The following FRMPD4 variants were observed in gnomAD, a reference collection of about 807,000 sequenced individuals.
FRMPD4 encodes FERM and PDZ domain containing 4, also known as FERM and PDZ domain-containing protein 4.
In FRMPD4, 22 loss-of-function variants were observed where a neutral mutation model predicts 94.1. The ratio of observed to expected loss-of-function variants is 0.23; its 90% CI spans 0.17 to 0.33. FRMPD4 has a LOEUF of 0.33. Ranked by LOEUF, FRMPD4 falls within the 10% of genes least tolerant of loss-of-function variation. FRMPD4 has a pLI of 1.00. For missense variants in FRMPD4, 1,111 were observed against 1,339.9 expected (o/e 0.83, Z 2.67); for synonymous variants, 631 against 548.6 (o/e 1.15, Z -2.10).
At chrX:11,949,858 T>C (rs927664627) in intron 3 of FRMPD4, among the ~76,000 whole-genome samples, 8 of 111,850 alleles carry the variant, frequency 7.2e-5, no homozygotes, top group Non-Finnish European at 1.3e-4. Context: ...TGCTCAGTTG[T>C]TTTTGGTTTT....
intron 3 of FRMPD4, among the ~76,000 whole-genome samples, chrX:12,612,609 G>T (rs1261142588): frequency 8.9e-6 from 1 of 112,408 alleles, no homozygotes; most frequent in East Asian, 2.8e-4. Context: ...GATTAAAGTT[G>T]CTTGATTAGA....
intron 1 of FRMPD4, among the ~76,000 whole-genome samples, chrX:12,437,666 G>A (rs151177970): frequency 0.011 from 1,265 of 111,861 alleles, 25 homozygotes; most frequent in African/African-American, 0.038. Flanking sequence ...ATTTACTGCT[G>A]TGATAAGAAA....
chrX:12,636,911 T>C lies in FRMPD4; in HGVS notation c.422+22030T>C, dbSNP rs188569137. ...CATAAACCTAATAGTCTTTGTTAGT[T>C]TCTTGGCTTTCTGATATGATAAGAT... On this transcript the variant is annotated intron_variant, in intron 4 of 16. Transcript: ENST00000675598. Among the ~76,000 whole-genome samples the C allele has an allele frequency of 9.5e-4, 106 of 111,805 alleles. 1 individual carries two copies. Among genetic ancestry groups the C allele is most frequent in the African/African-American group, 3.4e-3 (104 of 30,798 alleles).
intron 3 of FRMPD4, among the ~76,000 whole-genome samples, chrX:12,039,933 C>A (rs1601898374): frequency 2.0e-5 from 2 of 98,197 alleles, no homozygotes. Flanking sequence ...CACACCATTG[C>A]ACTCCAGCCT....
Position 12,574,362 on chromosome X carries a change from C to A in FRMPD4, c.159-35359C>A, listed in dbSNP as rs1012849846. 4.5e-5 allele frequency among the ~76,000 whole-genome samples: 5 copies of A among 112,110 alleles called. No individual in the cohort carries two copies. In the Admixed American group the frequency reaches 4.7e-4, roughly 11 times the overall value. ...ATTTTTTCTCAGTTTTAATTCCCAA[C>A]ATGGTAAATATCAATGGATATAACC... On this transcript the variant is annotated intron_variant, in intron 2 of 16. Transcript: ENST00000675598.
chrX:12,565,159 T>A (rs753691925), intron 2 of FRMPD4, among the ~76,000 whole-genome samples: 2 of 111,044 alleles, frequency 1.8e-5, no homozygotes, highest in Non-Finnish European at 3.8e-5. Context: ...CATACTGATA[T>A]AAATAAATGA....
intron 3 of FRMPD4, among the ~76,000 whole-genome samples, chrX:12,021,118 A>T (rs1056255014): frequency 2.7e-5 from 3 of 112,191 alleles, no homozygotes; most frequent in African/African-American, 9.7e-5. Context: ...GAGTCAATGC[A>T]TCAGTTTATT....
At chrX:12,150,230 A>G (rs1048572906) in intron 1 of FRMPD4, among the ~76,000 whole-genome samples, 1 of 112,226 alleles carries the variant, frequency 8.9e-6, no homozygotes, top group East Asian at 2.8e-4. Flanking sequence ...GAGTGAAACC[A>G]TACTGTATTC....
intron 1 of FRMPD4, among the ~76,000 whole-genome samples, chrX:12,461,666 G>T (rs1435863392): frequency 8.9e-6 from 1 of 111,854 alleles, no homozygotes; most frequent in Non-Finnish European, 1.9e-5. Flanking sequence ...AACTATATTT[G>T]TAAGGCTGAG....
intron 3 of FRMPD4, among the ~76,000 whole-genome samples, chrX:12,060,605 G>A (rs1223133769): frequency 9.0e-6 from 1 of 111,122 alleles, no homozygotes; most frequent in African/African-American, 3.3e-5. Context: ...AAAAGTTAGT[G>A]CTGAATGGAT....
chrX:12,334,324 T>C (rs2055481092), intron 1 of FRMPD4, among the ~76,000 whole-genome samples: 1 of 111,508 alleles, frequency 9.0e-6, no homozygotes, highest in Non-Finnish European at 1.9e-5. Flanking sequence ...TCCTTTTCTT[T>C]CTTTCTCGGA....
chrX:12,533,581 G>A (rs1324731261), intron 2 of FRMPD4, among the ~76,000 whole-genome samples: 1 of 112,031 alleles, frequency 8.9e-6, no homozygotes, highest in African/African-American at 3.2e-5. Flanking sequence ...TATGGACAGT[G>A]AAATCCAGGC....
chrX:12,482,392 T>A (rs2057697456), intron 1 of FRMPD4, among the ~76,000 whole-genome samples: 1 of 112,301 alleles, frequency 8.9e-6, no homozygotes. Flanking sequence ...CTTAGGGAGA[T>A]GAGCTGACTT....
At chrX:12,538,563 G>T (rs1696177059) in intron 2 of FRMPD4, among the ~76,000 whole-genome samples, 1 of 111,810 alleles carries the variant, frequency 8.9e-6, no homozygotes, top group Non-Finnish European at 1.9e-5. Flanking sequence ...AGCCTAACTG[G>T]GAGGCACCCC....
chrX:12,307,491 G>T (rs900720669), intron 1 of FRMPD4, among the ~76,000 whole-genome samples: 1 of 111,722 alleles, frequency 9.0e-6, no homozygotes, highest in African/African-American at 3.3e-5. Flanking sequence ...AAAGAAATCC[G>T]ACACAAATAA....
rs1317974250 is a variant in FRMPD4, at chrX:12,718,391, C to T, written c.3565C>T (p.Arg1189Cys). The T allele has an allele frequency of 3.6e-5, 43 of 1,210,079 alleles. No individual in the cohort carries two copies. Among genetic ancestry groups the T allele is most frequent in the Middle Eastern group, 4.6e-4 (2 of 4,377 alleles). The change falls in exon 16 of 17, where the codon CGC (arginine) becomes TGC (cysteine). Residue 1189 changes from arginine to cysteine, a missense_variant. Physicochemically the swap from Arg to Cys is radical, Grantham distance 180. Transcript: ENST00000675598. ...TCCTGAGGCTGATGAGAGTGTGGCCCGCCTTTGTGACTACCACTTGGCCAA... is the reference window on the plus strand; with the variant it reads ...TCCTGAGGCTGATGAGAGTGTGGCCTGCCTTTGTGACTACCACTTGGCCAA... ...KLPEADESVA[R>C]LCDYHLAKRM...
chrX:11,982,362 A>G (rs1040291922), intron 3 of FRMPD4, among the ~76,000 whole-genome samples: 2 of 109,266 alleles, frequency 1.8e-5, no homozygotes, highest in Non-Finnish European at 3.8e-5. Flanking sequence ...GTTGCTATAC[A>G]TTTCCACTAT....
At position 12,717,870 on chromosome X, in the gene FRMPD4, A is replaced by C; in HGVS notation, c.3044A>C (p.His1015Pro). The C allele has an allele frequency of 8.3e-7, 1 of 1,211,922 alleles. No individual in the cohort carries two copies. Among genetic ancestry groups the C allele is most frequent in the Non-Finnish European group, 1.1e-6 (1 of 895,310 alleles). ...GTCACTGACTATTTTAGCAAACTGCACATGGGGTCGGTGGCATACTCCTGC... is the reference window on the plus strand; with the variant it reads ...GTCACTGACTATTTTAGCAAACTGCCCATGGGGTCGGTGGCATACTCCTGC... ...KSVTDYFSKL[H>P]MGSVAYSCTS... The change falls in exon 16 of 17, where the codon CAC (histidine) becomes CCC (proline). Residue 1015 changes from histidine (H) to proline (P), a missense_variant. Around this residue, in one of 8 missense-constraint regions of FRMPD4, gnomAD observed 551 missense variants for 591.6 expected, o/e 0.93. Transcript: ENST00000675598.
At chrX:12,493,747 G>A (rs993644881) in intron 1 of FRMPD4, among the ~76,000 whole-genome samples, 3 of 111,803 alleles carry the variant, frequency 2.7e-5, no homozygotes, top group Non-Finnish European at 3.8e-5. Flanking sequence ...CGCCTGTTGC[G>A]TGCTGAGGCA....
Sources: gnomAD v4.1 joint callset for allele counts (sites outside exome capture counted in the v4.1 genomes callset) on GRCh38, gnomAD v4.1.1 for gene constraint, gnomAD v4.1.1 regional missense constraint, MANE v1.5 for transcripts, NCBI Gene and HGNC (gene_info 2026-07-23, HGNC 2026-07-21) for gene names.